Variants in CACNA2D1 observed in about 807,000 individuals in gnomAD.
CACNA2D1 encodes the protein voltage-dependent calcium channel subunit alpha-2/delta-1.
A neutral mutation model predicts 171.5 loss-of-function variants in CACNA2D1; 53 were observed. That is an observed-to-expected ratio of 0.31 (90% confidence interval 0.25 to 0.39). The LOEUF is 0.39. Among genes scored for constraint, CACNA2D1 ranks in the 10% least tolerant of loss-of-function variants. The pLI is 1.00. For synonymous variants in CACNA2D1, 442 were observed against 443.1 expected (o/e 1.00, Z 0.03); for missense variants, 903 against 1,299.8 (o/e 0.69, Z 4.69).
At chr7:82,123,288 T>C (rs1401166247) in intron 5 of CACNA2D1, among the ~76,000 whole-genome samples, 1 of 152,174 alleles carries the variant, frequency 6.6e-6, no homozygotes, top group African/African-American at 2.4e-5. Flanking sequence ...ACATTAATTT[T>C]AAGATATTCA....
chr7:82,348,912 C>T (rs1219925395), intron 2 of CACNA2D1, among the ~76,000 whole-genome samples: 1 of 152,070 alleles, frequency 6.6e-6, no homozygotes, highest in Non-Finnish European at 1.5e-5. Context: ...CTTACAGAAC[C>T]TATACATGTA....
chr7:82,171,909 G>C (rs1796059230), intron 3 of CACNA2D1, among the ~76,000 whole-genome samples: 1 of 152,002 alleles, frequency 6.6e-6, no homozygotes, highest in Non-Finnish European at 1.5e-5. Flanking sequence ...AGTTCTTCCT[G>C]TGGAGGTCCA....
At chr7:82,244,490 C>G in intron 3 of CACNA2D1, among the ~76,000 whole-genome samples, 1 of 152,024 alleles carries the variant, frequency 6.6e-6, no homozygotes, top group Non-Finnish European at 1.5e-5. Flanking sequence ...TACAGTAGAC[C>G]AAACAGTGCT....
At chr7:82,033,163 C>T in intron 11 of CACNA2D1, 1 of 318,118 alleles carries the variant, frequency 3.1e-6, no homozygotes, top group Non-Finnish European at 5.9e-6. Flanking sequence ...GGTGATTACT[C>T]ACAACTATGT....
chr7:82,037,212 C>T (rs547829332), intron 11 of CACNA2D1, among the ~76,000 whole-genome samples: 5 of 152,346 alleles, frequency 3.3e-5, no homozygotes, highest in African/African-American at 1.2e-4. Context: ...GAAGCGGTAG[C>T]TCATGCCTGT....
intron 21 of CACNA2D1, among the ~76,000 whole-genome samples, chr7:81,988,561 T>C (rs967928744): frequency 6.6e-6 from 1 of 152,086 alleles, no homozygotes; most frequent in South Asian, 2.1e-4. Context: ...TGATTTTTAT[T>C]AGGAGAGAAA....
chr7:82,402,757 G>A (rs906645836), intron 1 of CACNA2D1, among the ~76,000 whole-genome samples: 3 of 148,532 alleles, frequency 2.0e-5, no homozygotes, highest in African/African-American at 7.5e-5. Context: ...ATAGGTTGAG[G>A]TTAAAGAGTT....
intron 8 of CACNA2D1, among the ~76,000 whole-genome samples, chr7:82,065,473 G>A (rs563676497): frequency 6.6e-6 from 1 of 152,188 alleles, no homozygotes; most frequent in South Asian, 2.1e-4. Flanking sequence ...CTATATATTA[G>A]TTTTTAGCTC....
chr7:82,200,517 TAATG>T (rs1799299437), intron 3 of CACNA2D1, among the ~76,000 whole-genome samples: 1 of 152,188 alleles, frequency 6.6e-6, no homozygotes, highest in African/African-American at 2.4e-5. Context: ...TTCTTCTCTC[TAATG>T]AAGAAGGAAC....
intron 4 of CACNA2D1, among the ~76,000 whole-genome samples, chr7:82,162,011 A>C (rs1439473445): frequency 6.6e-6 from 1 of 152,096 alleles, no homozygotes; most frequent in African/African-American, 2.4e-5. Context: ...ATAACTAAAG[A>C]AGTGTTTGAA....
At chr7:82,369,453 T>C (rs1043705956) in intron 1 of CACNA2D1, among the ~76,000 whole-genome samples, 2 of 151,904 alleles carry the variant, frequency 1.3e-5, no homozygotes, top group Non-Finnish European at 2.9e-5. Flanking sequence ...CAGTTCTTTT[T>C]TCAGAGTAAA....
intron 5 of CACNA2D1, among the ~76,000 whole-genome samples, chr7:82,124,087 A>G (rs1790056621): frequency 6.6e-6 from 1 of 152,176 alleles, no homozygotes; most frequent in African/African-American, 2.4e-5. Flanking sequence ...CCTGTATGCC[A>G]TCCTATTCAA....
At chr7:82,221,026 T>G (rs1477404202) in intron 3 of CACNA2D1, among the ~76,000 whole-genome samples, 1 of 152,194 alleles carries the variant, frequency 6.6e-6, no homozygotes, top group Non-Finnish European at 1.5e-5. Flanking sequence ...TCTGCCCACC[T>G]TGGGTTCCCA....
At chr7:82,292,594 CA>C (rs1811782964) in intron 3 of CACNA2D1, among the ~76,000 whole-genome samples, 1 of 152,150 alleles carries the variant, frequency 6.6e-6, no homozygotes, top group South Asian at 2.1e-4. Flanking sequence ...AGGTATTTCA[CA>C]TTGTCTTTAG....
At chr7:82,297,883 T>C (rs1018585560) in intron 3 of CACNA2D1, among the ~76,000 whole-genome samples, 1 of 152,158 alleles carries the variant, frequency 6.6e-6, no homozygotes, top group African/African-American at 2.4e-5. Context: ...TTTCCTCAAT[T>C]ATTTTCTTGT....
chr7:82,103,195 C>T (rs1299828699), intron 6 of CACNA2D1, among the ~76,000 whole-genome samples: 1 of 152,068 alleles, frequency 6.6e-6, no homozygotes, highest in Non-Finnish European at 1.5e-5. Flanking sequence ...GTAATCCCAG[C>T]TACTCAGGAG....
At chr7:82,165,936 T>G (rs1795412918) in intron 4 of CACNA2D1, among the ~76,000 whole-genome samples, 2 of 152,022 alleles carry the variant, frequency 1.3e-5, no homozygotes, top group Non-Finnish European at 2.9e-5. Context: ...ACGCTCTCAC[T>G]TTTTATCCCT....
intron 1 of CACNA2D1, among the ~76,000 whole-genome samples, chr7:82,412,697 T>C (rs1355205345): frequency 1.3e-5 from 2 of 151,736 alleles, no homozygotes; most frequent in African/African-American, 2.4e-5. Flanking sequence ...ATACCAAGAA[T>C]TGATGATTTT....
At chr7:82,340,367 C>T (rs1818479555) in intron 2 of CACNA2D1, among the ~76,000 whole-genome samples, 3 of 149,788 alleles carry the variant, frequency 2.0e-5, no homozygotes, top group African/African-American at 7.4e-5. Flanking sequence ...AATAGGATCT[C>T]ACTATGTTGT....
Sources: allele counts gnomAD v4.1 joint callset (sites outside exome capture counted in the v4.1 genomes callset), GRCh38; gene constraint gnomAD v4.1.1; transcripts MANE v1.5; gene names NCBI Gene and HGNC (gene_info 2026-07-23, HGNC 2026-07-21).